The following RIMS2 variants were observed in gnomAD, a reference collection of about 807,000 sequenced individuals.
The protein encoded by RIMS2 is regulating synaptic membrane exocytosis 2, also known as regulating synaptic membrane exocytosis protein 2.
A neutral mutation model predicts 174.4 loss-of-function variants in RIMS2; 59 were observed. That is an observed-to-expected ratio of 0.34 (90% CI 0.27 to 0.42). The LOEUF is 0.42. RIMS2 is among the 10% of genes least tolerant of loss of function. The probability of loss-of-function intolerance (pLI) is 1.00; values close to 1 mark genes in which losing one functional copy is unlikely to be tolerated. For synonymous variants in RIMS2, 606 were observed against 572.5 expected (o/e 1.06, Z -0.84); for missense variants, 1,620 against 1,666.3 (o/e 0.97, Z 0.48).
chr8:103,643,555 G>T (rs559343955), intron 1 of RIMS2, among the ~76,000 whole-genome samples: 2 of 152,234 alleles, frequency 1.3e-5, no homozygotes, highest in Admixed American at 6.5e-5. Context: ...AGAAGAGTTA[G>T]ACTGTGTTTA....
intron 3 of RIMS2, among the ~76,000 whole-genome samples, chr8:103,800,172 CTG>C (rs1448512343): frequency 6.6e-6 from 1 of 152,094 alleles, no homozygotes; most frequent in East Asian, 1.9e-4. Flanking sequence ...TTTTAGCTCT[CTG>C]TTCTGTCTTA....
intron 15 of RIMS2, among the ~76,000 whole-genome samples, chr8:103,964,961 A>C (rs1229943165): frequency 6.6e-6 from 1 of 152,278 alleles, no homozygotes; most frequent in Non-Finnish European, 1.5e-5. Context: ...AGATCAGTTC[A>C]ATATATGTAT....
intron 1 of RIMS2, among the ~76,000 whole-genome samples, chr8:103,544,214 CG>C (rs1299536468): frequency 1.3e-5 from 2 of 152,096 alleles, no homozygotes; most frequent in South Asian, 4.1e-4. Flanking sequence ...TCCTGTTGTC[CG>C]GGGAAACACC....
At chr8:103,533,546 A>G (rs1217319274) in intron 1 of RIMS2, among the ~76,000 whole-genome samples, 1 of 151,542 alleles carries the variant, frequency 6.6e-6, no homozygotes, top group Non-Finnish European at 1.5e-5. Flanking sequence ...TTAAAAACTG[A>G]TAAAACATGG....
At position 103,998,093 on chromosome 8, in the gene RIMS2, C is replaced by A. The variant is rs946295915; in HGVS notation, c.3044+8672C>A. ...TGTGCTTTGCTTACTGTCTGCCTATCTTTTAAAATCTCACTTTTTAAATTA... is the reference window on the plus strand; with the variant it reads ...TGTGCTTTGCTTACTGTCTGCCTATATTTTAAAATCTCACTTTTTAAATTA... On this transcript the variant is annotated intron_variant, in intron 17 of 23. Transcript: ENST00000504942. 3.0e-5 allele frequency: 29 copies of A among 956,286 alleles called. No individual in the cohort carries two copies. The Admixed American group carries it at 6.3e-4, about 21-fold the overall frequency. 59.2% of individuals were successfully genotyped at this position (956,286 alleles called of 1,614,324 possible). A position where few individuals can be genotyped will look rare whatever the true frequency, so the allele number is the denominator to read the frequency against.
chr8:103,552,155 G>GC (rs1587536245), intron 1 of RIMS2, among the ~76,000 whole-genome samples: 2 of 152,006 alleles, frequency 1.3e-5, no homozygotes, highest in Non-Finnish European at 2.9e-5. Context: ...AATATCCTAA[G>GC]CCAAAAAAAC....
chr8:103,554,079 C>G (rs1450753830), intron 1 of RIMS2, among the ~76,000 whole-genome samples: 1 of 152,078 alleles, frequency 6.6e-6, no homozygotes, highest in Non-Finnish European at 1.5e-5. Context: ...AAATGTAAAA[C>G]CTGAAACTCT....
intron 1 of RIMS2, among the ~76,000 whole-genome samples, chr8:103,551,051 C>A (rs912059938): frequency 2.0e-5 from 3 of 152,152 alleles, no homozygotes; most frequent in Non-Finnish European, 4.4e-5. Context: ...TCTTCTGAAA[C>A]TATTCCAATC....
At chr8:103,649,822 T>C (rs1334824883) in intron 1 of RIMS2, among the ~76,000 whole-genome samples, 2 of 152,094 alleles carry the variant, frequency 1.3e-5, no homozygotes, top group African/African-American at 4.8e-5. Context: ...GCTCCTGTAT[T>C]GTTTTATCAT....
intron 1 of RIMS2, among the ~76,000 whole-genome samples, chr8:103,636,871 T>C (rs76666704): frequency 0.06 from 8,095 of 135,422 alleles, 319 homozygotes; most frequent in Middle Eastern, 0.083. Context: ...GTGTGCTCTT[T>C]AAAGAACAAA....
intron 4 of RIMS2, among the ~76,000 whole-genome samples, chr8:103,889,305 A>T (rs2099227359): frequency 6.6e-6 from 1 of 151,716 alleles, no homozygotes; most frequent in Non-Finnish European, 1.5e-5. Context: ...TTAAAAAATA[A>T]TCATCACTTT....
chr8:103,833,839 TCA>T (rs1293189558), intron 3 of RIMS2, among the ~76,000 whole-genome samples: 3 of 152,182 alleles, frequency 2.0e-5, no homozygotes, highest in Non-Finnish European at 4.4e-5. Flanking sequence ...GTTTGTTATC[TCA>T]CAGTCTTCAT....
chr8:103,765,161 T>A (rs1445596595), intron 2 of RIMS2, among the ~76,000 whole-genome samples: 1 of 152,168 alleles, frequency 6.6e-6, no homozygotes, highest in East Asian at 1.9e-4. Context: ...GTATTTGACA[T>A]AAACAAAACA....
intron 1 of RIMS2, among the ~76,000 whole-genome samples, chr8:103,614,137 C>T (rs1293246355): frequency 6.6e-6 from 1 of 152,248 alleles, no homozygotes. Context: ...GTGTCCTAGA[C>T]TGTCTTTTCA....
intron 19 of RIMS2, 80 bp from the exon 25 acceptor site, chr8:104,148,527 C>G: frequency 7.9e-7 from 1 of 1,260,004 alleles, no homozygotes; most frequent in Non-Finnish European, 1.1e-6. Context: ...AATTATACTC[C>G]AAATGTTTTA....
intron 1 of RIMS2, among the ~76,000 whole-genome samples, chr8:103,520,231 T>C (rs915242656): frequency 6.6e-6 from 1 of 152,120 alleles, no homozygotes; most frequent in Non-Finnish European, 1.5e-5. Flanking sequence ...ATTCAATAAA[T>C]GTTAAAAGGA....
intron 1 of RIMS2, among the ~76,000 whole-genome samples, chr8:103,621,135 C>A (rs971228718): frequency 6.6e-6 from 1 of 152,144 alleles, no homozygotes; most frequent in Non-Finnish European, 1.5e-5. Context: ...GTTAGAAATG[C>A]TTGTTCCTTA....
chr8:103,952,598 A>G (rs2085776615), intron 14 of RIMS2, among the ~76,000 whole-genome samples: 1 of 152,228 alleles, frequency 6.6e-6, no homozygotes, highest in Non-Finnish European at 1.5e-5. Context: ...CAGAGACCCC[A>G]TCTGAAGGTC....
chr8:103,582,070 G>A (rs760859850), intron 1 of RIMS2, among the ~76,000 whole-genome samples: 37 of 152,288 alleles, frequency 2.4e-4, no homozygotes, highest in Non-Finnish European at 4.0e-4. Context: ...GGAGGACTTT[G>A]TCTTGCATTT....
Sources: gnomAD v4.1 joint callset for allele counts (sites outside exome capture counted in the v4.1 genomes callset) on GRCh38, gnomAD v4.1.1 for gene constraint, MANE v1.5 for transcripts, NCBI Gene and HGNC (gene_info 2026-07-23, HGNC 2026-07-21) for gene names.